Variants in FAM228A observed in about 807,000 individuals in gnomAD.
The protein encoded by FAM228A is family with sequence similarity 228 member A.
A neutral mutation model predicts 18.6 loss-of-function variants in FAM228A; 13 were observed. That is an observed-to-expected ratio of 0.70 (90% CI 0.45 to 1.11). The LOEUF (loss-of-function observed/expected upper bound fraction) is 1.11, where lower values mean the gene tolerates loss of function less well. Among genes scored for constraint, FAM228A ranks in the 50% least tolerant of loss-of-function variants. The pLI is 0.00. For missense variants in FAM228A, 240 were observed against 242.2 expected, an observed-to-expected ratio of 0.99 and a Z score of 0.06; for synonymous variants, 77 against 86.6, an observed-to-expected ratio of 0.89 and a Z score of 0.61.
At chr2:24,175,841 C>A in intron 2 of FAM228A, 1 of 1,170,980 alleles carries the variant, frequency 8.5e-7, no homozygotes, top group Non-Finnish European at 1.1e-6. Context: ...GAAGCCAGGT[C>A]TGGGCTTGCC....
At chr2:24,189,779 G>A (rs183160180) in intron 5 of FAM228A, among the ~76,000 whole-genome samples, 116 of 152,280 alleles carry the variant, frequency 7.6e-4, no homozygotes, top group South Asian at 1.2e-3. Flanking sequence ...AGCACGTGGC[G>A]AGGTGAGGCA....
At chr2:24,189,046 G>GC (rs368856288) in intron 5 of FAM228A, among the ~76,000 whole-genome samples, 31 of 152,106 alleles carry the variant, frequency 2.0e-4, no homozygotes, top group African/African-American at 6.3e-4. Context: ...TAATTACATA[G>GC]CCCCCCCACC....
At chr2:24,188,586 A>T in intron 5 of FAM228A, 14 of 985,438 alleles carry the variant, frequency 1.4e-5, no homozygotes, top group Non-Finnish European at 1.7e-5. Flanking sequence ...AGACCCAAAG[A>T]CAAAAATCCA....
chr2:24,187,517 T>C (rs1667978450), intron 5 of FAM228A, among the ~76,000 whole-genome samples: 2 of 152,250 alleles, frequency 1.3e-5, no homozygotes, highest in Admixed American at 1.3e-4. Context: ...ATGACATGTA[T>C]CCATCATTCT....
At position 24,191,206 on chromosome 2, in the gene FAM228A, G is replaced by C; in HGVS notation, c.*575G>C. 1.0e-6 allele frequency: 1 copy of C among 985,596 alleles called. No homozygotes were observed. Among genetic ancestry groups the C allele is most frequent in the East Asian group, 1.1e-4 (1 of 8,810 alleles). 61.1% of individuals were successfully genotyped at this position (985,596 alleles called of 1,614,324 possible). On this transcript the variant is annotated 3_prime_UTR_variant, in exon 6 of 6. Coordinates refer to ENST00000295150, the MANE Select transcript of FAM228A (RefSeq NM_001040710.3). ...TTCTCTCCGCCACGCCCTGTGCCCT[G>C]AGGCCTGAGGCGCAGGACCCTCCCA...
chr2:24,181,477 G>A (rs1246873577), intron 3 of FAM228A, among the ~76,000 whole-genome samples: 3 of 152,126 alleles, frequency 2.0e-5, no homozygotes, highest in Non-Finnish European at 1.5e-5. Context: ...TTCTGCCTCC[G>A]GGGTTCAAGC....
At chr2:24,182,503 A>G (rs2151044130) in intron 3 of FAM228A, among the ~76,000 whole-genome samples, 1 of 152,252 alleles carries the variant, frequency 6.6e-6, no homozygotes, top group Non-Finnish European at 1.5e-5. Flanking sequence ...CCTCTGTCTA[A>G]GGCTTATCAG....
At chr2:24,187,617 AT>A (rs34867537) in intron 5 of FAM228A, among the ~76,000 whole-genome samples, 13 of 150,324 alleles carry the variant, frequency 8.6e-5, no homozygotes, top group East Asian at 5.8e-4. Flanking sequence ...GCAACCAGTG[AT>A]TTTTTTTTTA....
At position 24,191,429 on chromosome 2, in the gene FAM228A, G is replaced by C; in HGVS notation, c.*798G>C. The C allele has an allele frequency of 1.0e-6, 1 of 985,356 alleles. No homozygotes were observed. Among genetic ancestry groups the C allele is most frequent in the Non-Finnish European group, 1.2e-6 (1 of 829,874 alleles). The allele number at this position is 985,356 out of a possible 1,614,324, so 61.0% of individuals were successfully genotyped here. ...CTCTCCAGGGAGTAAGGGATTCTCC[G>C]TCTGTGGTAAGTTACCTGTGACTCT... On this transcript the variant is annotated 3_prime_UTR_variant, in exon 6 of 6. Transcript: ENST00000295150.
chr2:24,175,818 C>G, intron 2 of FAM228A: 4 of 1,083,824 alleles, frequency 3.7e-6, no homozygotes, highest in Non-Finnish European at 4.9e-6. Context: ...GCAGCCACCC[C>G]AGCTCCCCGG....
rs1190760389 is a variant in FAM228A, at chr2:24,175,506, A to T, written c.26A>T (p.Tyr9Phe). The T allele has an allele frequency of 2.5e-6, 4 of 1,614,072 alleles. No homozygotes were observed. The highest frequency in any genetic ancestry group is 3.4e-6 in the Non-Finnish European group (4 of 1,179,994). Residue 9 changes from tyrosine to phenylalanine, a missense_variant, in exon 2 of 6, where the codon TAT becomes TTT. Physicochemically the swap from Tyr to Phe is conservative, Grantham distance 22. Transcript: ENST00000295150. ...ATGGCTGCCACCAAAACTGCGAGTT[A>T]TGATGAACATTTCAGGCCAGAAAAG... Reference protein sequence around the residue: MAATKTASYDEHFRPEKLR... With the variant: MAATKTASFDEHFRPEKLR...
At chr2:24,180,466 T>G (rs1667790868) in intron 3 of FAM228A, among the ~76,000 whole-genome samples, 1 of 152,082 alleles carries the variant, frequency 6.6e-6, no homozygotes, top group Non-Finnish European at 1.5e-5. Context: ...GCTGAAATAT[T>G]AGAACATTTA....
intron 2 of FAM228A, chr2:24,176,263 T>C: frequency 1.1e-6 from 1 of 903,794 alleles, no homozygotes; most frequent in Non-Finnish European, 1.3e-6. Context: ...CTTCTCCAAA[T>C]AAATAAATAG....
rs1421129043 is a variant in FAM228A, at chr2:24,191,436, G to GT, written c.*806dup. On this transcript the variant is annotated 3_prime_UTR_variant, in exon 6 of 6. Coordinates refer to ENST00000295150, the MANE Select transcript of FAM228A (RefSeq NM_001040710.3). ...GGGAGTAAGGGATTCTCCGTCTGTG[G>GT]TAAGTTACCTGTGACTCTTCAGCAG... is the stretch of plus-strand genomic sequence containing the variant. 8 of 985,340 alleles carry GT rather than the reference G, an allele frequency of 8.1e-6. No homozygotes were observed. The highest frequency in any genetic ancestry group is 8.4e-6 in the Non-Finnish European group (7 of 829,938). The allele number at this position is 985,340 out of a possible 1,614,324, so 61.0% of individuals were successfully genotyped here.
At chr2:24,177,722 T>C (rs1667725022) in intron 2 of FAM228A, 80 bp from the exon 3 acceptor site, 5 of 774,894 alleles carry the variant, frequency 6.5e-6, no homozygotes, top group Non-Finnish European at 1.1e-5. Context: ...ACTAAAACTA[T>C]TGGTAAAGTA....
At chr2:24,187,230 T>C (rs746928428) in intron 5 of FAM228A, among the ~76,000 whole-genome samples, 60 of 152,248 alleles carry the variant, frequency 3.9e-4, no homozygotes, top group Non-Finnish European at 6.5e-4. Flanking sequence ...CATCTGCTCA[T>C]GAAAAATCTG....
At position 24,183,221 on chromosome 2, in the gene FAM228A, A is replaced by T. The variant is rs1573805239; in HGVS notation, c.163-64A>T. 10 of 1,151,786 alleles carry T rather than the reference A, an allele frequency of 8.7e-6. No individual in the cohort carries two copies. In the East Asian group the frequency reaches 2.3e-4, roughly 27 times the overall value. 71.3% of individuals were successfully genotyped at this position (1,151,786 alleles called of 1,614,324 possible). On this transcript the variant is annotated intron_variant, in intron 3 of 5. Transcript: ENST00000295150. ...TCTATTGTTCCCATCTTTATGTGGG[A>T]CACATTTTAAAAGCTTAATACAGAC...
intron 5 of FAM228A, among the ~76,000 whole-genome samples, chr2:24,190,033 T>C (rs1053855370): frequency 6.6e-6 from 1 of 152,170 alleles, no homozygotes; most frequent in Non-Finnish European, 1.5e-5. Flanking sequence ...TGTTTCTCTT[T>C]CTTTGCACAT....
At position 24,183,560 on chromosome 2, in the gene FAM228A, T is replaced by C. The variant is rs1182837778; in HGVS notation, c.316T>C (p.Tyr106His). The C allele has an allele frequency of 1.2e-6, 2 of 1,614,072 alleles. No homozygotes were observed. Among genetic ancestry groups the C allele is most frequent in the Admixed American group, 1.7e-5 (1 of 60,006 alleles). ...GGCCAGGCTGCATGCCAGCTCGCCC[T>C]ACTTCACTTTCACTTCACACTGTGT... ...EKARLHASSP[Y>H]FTFTSHCVIP... Residue 106 changes from tyrosine to histidine, a missense_variant, in exon 5 of 6, where the codon TAC becomes CAC. Physicochemically the swap from Tyr to His is moderately conservative, Grantham distance 83. Coordinates refer to ENST00000295150, the MANE Select transcript of FAM228A (RefSeq NM_001040710.3).
Sources: gnomAD v4.1 joint callset for allele counts (sites outside exome capture counted in the v4.1 genomes callset) on GRCh38, gnomAD v4.1.1 for gene constraint, MANE v1.5 for transcripts, NCBI Gene and HGNC (gene_info 2026-07-23, HGNC 2026-07-21) for gene names.